Variants in PRKG1 observed in about 807,000 individuals in gnomAD.
PRKG1 encodes the protein cGMP-dependent protein kinase 1.
Under a neutral mutation model 88.1 loss-of-function variants are expected in PRKG1, and 35 were observed. The observed-to-expected ratio is 0.40, with a 90% CI of 0.30 to 0.53. PRKG1 has a LOEUF of 0.53. Ranked by LOEUF, PRKG1 falls within the 20% of genes least tolerant of loss-of-function variation. PRKG1 has a pLI of 0.59. For synonymous variants in PRKG1, 303 were observed against 292.5 expected (o/e 1.04, Z -0.37); for missense variants, 540 against 839.8 (o/e 0.64, Z 4.41).
intron 1 of PRKG1, among the ~76,000 whole-genome samples, chr10:50,995,504 T>C (rs1217551845): frequency 2.0e-5 from 3 of 152,248 alleles, no homozygotes; most frequent in Non-Finnish European, 4.4e-5. Flanking sequence ...AACTGCAAGC[T>C]GTTTTGGATG....
At chr10:51,904,804 A>C (rs565135730) in intron 4 of PRKG1, among the ~76,000 whole-genome samples, 210 of 152,274 alleles carry the variant, frequency 1.4e-3, no homozygotes, top group Middle Eastern at 6.8e-3. Context: ...GATATATTTA[A>C]AATGCCATCC....
chr10:51,731,445 A>G (rs1188029380), intron 3 of PRKG1, among the ~76,000 whole-genome samples: 1 of 152,204 alleles, frequency 6.6e-6, no homozygotes, highest in Non-Finnish European at 1.5e-5. Context: ...ATTTGTCTTC[A>G]TAGGCCATTT....
intron 4 of PRKG1, among the ~76,000 whole-genome samples, chr10:51,819,088 G>C (rs1403527618): frequency 7.0e-6 from 1 of 143,002 alleles, no homozygotes; most frequent in Admixed American, 7.2e-5. Flanking sequence ...AGGTTTATTT[G>C]ACTCATGGTT....
At chr10:51,365,995 C>T (rs1384319472) in intron 2 of PRKG1, among the ~76,000 whole-genome samples, 1 of 151,758 alleles carries the variant, frequency 6.6e-6, no homozygotes, top group African/African-American at 2.4e-5. Flanking sequence ...CTCTATCACT[C>T]AAGTTCTATA....
intron 3 of PRKG1, among the ~76,000 whole-genome samples, chr10:51,653,002 A>G (rs369922942): frequency 1.1e-4 from 16 of 152,218 alleles, no homozygotes; most frequent in African/African-American, 3.1e-4. Context: ...CACTTAGTAT[A>G]ATGTTCTCCA....
chr10:51,087,172 CT>C (rs1038808526), intron 1 of PRKG1, among the ~76,000 whole-genome samples: 3 of 151,944 alleles, frequency 2.0e-5, no homozygotes, highest in African/African-American at 4.8e-5. Context: ...ATTAGGCTCA[CT>C]TTTTTTTCTT....
At chr10:51,582,108 T>C (rs1838054833) in intron 3 of PRKG1, among the ~76,000 whole-genome samples, 1 of 152,166 alleles carries the variant, frequency 6.6e-6, no homozygotes, top group South Asian at 2.1e-4. Flanking sequence ...TTGAATTGGC[T>C]GAAAACAAAT....
At chr10:51,811,516 T>C (rs1839455153) in intron 4 of PRKG1, among the ~76,000 whole-genome samples, 1 of 151,840 alleles carries the variant, frequency 6.6e-6, no homozygotes, top group Non-Finnish European at 1.5e-5. Flanking sequence ...TTGTGAGGAG[T>C]GTGAAAGTTT....
chr10:51,699,310 C>A (rs765635318), intron 3 of PRKG1: 3 of 1,614,136 alleles, frequency 1.9e-6, no homozygotes, highest in Non-Finnish European at 8.5e-7. Flanking sequence ...CACTGAACTC[C>A]CGCCCATTGA....
intron 5 of PRKG1, among the ~76,000 whole-genome samples, chr10:51,929,497 T>C (rs1238453264): frequency 6.6e-6 from 1 of 151,906 alleles, no homozygotes; most frequent in Non-Finnish European, 1.5e-5. Context: ...ATTACAGGCA[T>C]GTGTCACCAT....
intron 3 of PRKG1, among the ~76,000 whole-genome samples, chr10:51,549,101 CCTTT>C (rs1426490390): frequency 7.8e-6 from 1 of 128,854 alleles, no homozygotes; most frequent in East Asian, 3.2e-4. Flanking sequence ...TTCCTTCTTT[CCTTT>C]CTTTCTTTTC....
intron 4 of PRKG1, among the ~76,000 whole-genome samples, chr10:51,906,919 T>A (rs192026155): frequency 1.0e-3 from 152 of 152,336 alleles, no homozygotes; most frequent in African/African-American, 3.6e-3. Flanking sequence ...AGAGTCAGGT[T>A]GGAATTTGGT....
chr10:52,110,779 C>G (rs977169701), intron 7 of PRKG1, among the ~76,000 whole-genome samples: 1 of 152,090 alleles, frequency 6.6e-6, no homozygotes, highest in Non-Finnish European at 1.5e-5. Flanking sequence ...TATGATCATT[C>G]GTCTGTCATA....
At chr10:51,750,852 T>C (rs73345352) in intron 3 of PRKG1, among the ~76,000 whole-genome samples, 67 of 151,878 alleles carry the variant, frequency 4.4e-4, no homozygotes, top group African/African-American at 1.5e-3. Context: ...AACCCCTTTC[T>C]AAAAGAATAT....
At chr10:51,062,588 A>C (rs4935216) in intron 1 of PRKG1, 72,739 of 151,946 alleles carry the variant, frequency 0.48, 19,858 homozygotes, top group South Asian at 0.67. Flanking sequence ...AATCTCTTGA[A>C]TAATAATTTA....
intron 4 of PRKG1, among the ~76,000 whole-genome samples, chr10:51,906,578 T>C (rs1355618863): frequency 6.6e-6 from 1 of 152,176 alleles, no homozygotes; most frequent in Admixed American, 6.5e-5. Flanking sequence ...TAAGTTATTA[T>C]CTGAAGACCC....
chr10:51,880,619 G>A (rs766721206), intron 4 of PRKG1, among the ~76,000 whole-genome samples: 91 of 152,190 alleles, frequency 6.0e-4, no homozygotes, highest in Non-Finnish European at 1.3e-3. Flanking sequence ...GGTTTTGGCT[G>A]TGTTAATCTT....
chr10:51,868,209 A>C (rs1033944876), intron 4 of PRKG1, among the ~76,000 whole-genome samples: 4 of 152,190 alleles, frequency 2.6e-5, no homozygotes, highest in Admixed American at 6.6e-5. Flanking sequence ...ACTGAGTAGG[A>C]GGCAGGCAGC....
At chr10:52,046,005 C>T (rs1367351418) in intron 5 of PRKG1, among the ~76,000 whole-genome samples, 1 of 152,102 alleles carries the variant, frequency 6.6e-6, no homozygotes, top group Non-Finnish European at 1.5e-5. Flanking sequence ...CTGGTTTTGA[C>T]TCTTTAGGAT....
Sources: gnomAD v4.1 joint callset for allele counts (sites outside exome capture counted in the v4.1 genomes callset) on GRCh38, gnomAD v4.1.1 for gene constraint, MANE v1.5 for transcripts, NCBI Gene and HGNC (gene_info 2026-07-23, HGNC 2026-07-21) for gene names.